ELOVL6: variants seen among roughly 807,000 people sequenced by gnomAD.
The protein encoded by ELOVL6 is very long chain fatty acid elongase 6.
Under a neutral mutation model 31.7 loss-of-function variants are expected in ELOVL6, and 8 were observed. The observed-to-expected ratio is 0.25, with a 90% confidence interval of 0.15 to 0.45. The LOEUF is 0.45. ELOVL6 is among the 20% of genes least tolerant of loss of function. The pLI is 1.00. For missense variants in ELOVL6, 126 were observed against 326.4 expected (o/e 0.39, Z 4.73); for synonymous variants, 101 against 117.7 (o/e 0.86, Z 0.92).
intron 1 of ELOVL6, among the ~76,000 whole-genome samples, chr4:110,158,657 A>ATATATATATATATATTTT: frequency 2.3e-4 from 17 of 74,148 alleles, no homozygotes; most frequent in East Asian, 1.3e-3. Flanking sequence ...ATATATATAT[A>ATATATATATATATATTTT]TTTTTTTTTT....
Position 110,105,630 on chromosome 4 carries a change from TGCAAACAA to T in ELOVL6, c.90-10_90-3del. 6.2e-7 allele frequency: 1 copy of T among 1,608,056 alleles called. No individual in the cohort carries two copies. Among genetic ancestry groups the T allele is most frequent in the Non-Finnish European group, 8.5e-7 (1 of 1,177,642 alleles). ...GCAGAAAACAGGAAAGATTTCTTCC[TGCAAACAA>T]GCAAACAAAATCTTTAAGATATTTT... On this transcript the variant is annotated splice_region_variant and splice_polypyrimidine_tract_variant and intron_variant, in intron 1 of 3. Coordinates refer to ENST00000302274, the MANE Select transcript of ELOVL6 (RefSeq NM_024090.3).
chr4:110,075,747 T>A, intron 2 of ELOVL6, among the ~76,000 whole-genome samples: 1 of 152,198 alleles, frequency 6.6e-6, no homozygotes, highest in East Asian at 1.9e-4. Context: ...AGGATAAATC[T>A]TGTTATCCAT....
intron 1 of ELOVL6, among the ~76,000 whole-genome samples, chr4:110,183,240 G>A (rs928544574): frequency 6.6e-6 from 1 of 152,140 alleles, no homozygotes; most frequent in Non-Finnish European, 1.5e-5. Context: ...TCTTAACCCA[G>A]ACACTCTTTT....
intron 1 of ELOVL6, among the ~76,000 whole-genome samples, chr4:110,196,466 G>A (rs988527736): frequency 1.3e-5 from 2 of 152,164 alleles, no homozygotes; most frequent in South Asian, 4.1e-4. Context: ...GCGGGAGGAG[G>A]AAGTGCATCC....
intron 1 of ELOVL6, among the ~76,000 whole-genome samples, chr4:110,166,062 C>T (rs1264398384): frequency 6.6e-6 from 1 of 152,154 alleles, no homozygotes; most frequent in Non-Finnish European, 1.5e-5. Flanking sequence ...AAGCCCAGCT[C>T]AGAGCTGATC....
At chr4:110,164,827 A>C (rs970621371) in intron 1 of ELOVL6, among the ~76,000 whole-genome samples, 11 of 151,216 alleles carry the variant, frequency 7.3e-5, no homozygotes, top group African/African-American at 2.7e-4. Context: ...TGATGAAAGA[A>C]TTTCTTGTTT....
At chr4:110,129,479 GC>G (rs1288986685) in intron 1 of ELOVL6, among the ~76,000 whole-genome samples, 2 of 152,206 alleles carry the variant, frequency 1.3e-5, no homozygotes, top group African/African-American at 2.4e-5. Flanking sequence ...ATGACTGAAT[GC>G]CCATCCATGA....
At chr4:110,131,468 C>T (rs529021918) in intron 1 of ELOVL6, among the ~76,000 whole-genome samples, 3 of 152,168 alleles carry the variant, frequency 2.0e-5, no homozygotes, top group South Asian at 4.2e-4. Context: ...GTTAATACAG[C>T]GTATGTGAAC....
intron 2 of ELOVL6, among the ~76,000 whole-genome samples, chr4:110,093,770 G>C (rs1756487785): frequency 6.6e-6 from 1 of 152,096 alleles, no homozygotes; most frequent in Admixed American, 6.6e-5. Flanking sequence ...GGACGAGACA[G>C]ATAATGAACC....
intron 1 of ELOVL6, among the ~76,000 whole-genome samples, chr4:110,120,785 TTTTTTTTCTTTTC>T (rs1391486772): frequency 2.7e-5 from 4 of 147,610 alleles, no homozygotes; most frequent in Admixed American, 2.1e-4. Context: ...GGTTCTTTTC[TTTTTTTTCTTTTC>T]TTTTTTTTTT....
chr4:110,162,392 C>T (rs1758654996), intron 1 of ELOVL6, among the ~76,000 whole-genome samples: 1 of 152,174 alleles, frequency 6.6e-6, no homozygotes, highest in South Asian at 2.1e-4. Context: ...GTTGCCCAGG[C>T]TGGAGTGCAG....
intron 1 of ELOVL6, among the ~76,000 whole-genome samples, chr4:110,160,439 C>A (rs1359096365): frequency 6.6e-6 from 1 of 152,154 alleles, no homozygotes; most frequent in Non-Finnish European, 1.5e-5. Context: ...TATGTATATA[C>A]AAACTATAAT....
chr4:110,194,398 G>A (rs1383409020), intron 1 of ELOVL6, among the ~76,000 whole-genome samples: 2 of 152,136 alleles, frequency 1.3e-5, no homozygotes, highest in African/African-American at 2.4e-5. Context: ...TGGACATGTA[G>A]TTTCAAGATG....
At chr4:110,090,255 G>T (rs1025494819) in intron 2 of ELOVL6, among the ~76,000 whole-genome samples, 1 of 152,188 alleles carries the variant, frequency 6.6e-6, no homozygotes, top group African/African-American at 2.4e-5. Context: ...TTTAGACTGT[G>T]TATGGAGAAG....
chr4:110,091,657 C>G (rs138893379), intron 2 of ELOVL6, among the ~76,000 whole-genome samples: 1 of 152,134 alleles, frequency 6.6e-6, no homozygotes, highest in Non-Finnish European at 1.5e-5. Context: ...AATTTCTGCT[C>G]CAGTTCCGGG....
intron 2 of ELOVL6, among the ~76,000 whole-genome samples, chr4:110,089,032 A>C (rs1317966110): frequency 6.7e-6 from 1 of 150,108 alleles, no homozygotes; most frequent in African/African-American, 2.5e-5. Flanking sequence ...CTTTTGCAAC[A>C]AATTTCTTGG....
intron 1 of ELOVL6, among the ~76,000 whole-genome samples, chr4:110,189,804 T>C (rs1175866044): frequency 1.3e-5 from 2 of 151,556 alleles, no homozygotes; most frequent in Non-Finnish European, 2.9e-5. Context: ...CCGTCTCTAC[T>C]AAAAATAGAA....
chr4:110,084,401 G>GACATACATGATATATCACATATATC (rs1756125248), intron 2 of ELOVL6, among the ~76,000 whole-genome samples: 1 of 17,506 alleles, frequency 5.7e-5, no homozygotes, highest in Non-Finnish European at 1.6e-4. Context: ...TATGATATAT[G>GACATACATGATATATCACATATATC]ATATATGACA....
Position 110,046,957 on chromosome 4 carries a change from A to C in ELOVL6, c.*4381T>G, listed in dbSNP as rs1249815067. The C allele has an allele frequency of 6.6e-6, 1 of 152,214 alleles. No homozygotes were observed. Among genetic ancestry groups the C allele is most frequent in the African/African-American group, 2.4e-5 (1 of 41,454 alleles). The allele number at this position is 152,214 out of a possible 1,614,324, so 9.4% of individuals were successfully genotyped here. On this transcript the variant is annotated 3_prime_UTR_variant, in exon 4 of 4. Transcript: ENST00000302274. ...ATAGCAATGAGTCTGAGGCACAAAGAATCAGGTGTTGTATAGAAAAGACAA... is the reference window on the plus strand; with the variant it reads ...ATAGCAATGAGTCTGAGGCACAAAGCATCAGGTGTTGTATAGAAAAGACAA...
Sources: gnomAD v4.1 joint callset for allele counts (sites outside exome capture counted in the v4.1 genomes callset) on GRCh38, gnomAD v4.1.1 for gene constraint, MANE v1.5 for transcripts, NCBI Gene and HGNC (gene_info 2026-07-23, HGNC 2026-07-21) for gene names.